Variants in DOCK3 observed in about 807,000 individuals in gnomAD.
The protein encoded by DOCK3 is dedicator of cytokinesis 3.
A neutral mutation model predicts 265.6 loss-of-function variants in DOCK3; 60 were observed. The ratio of observed to expected loss-of-function variants is 0.23; its 90% CI spans 0.18 to 0.28. The LOEUF (loss-of-function observed/expected upper bound fraction) is 0.28, where lower values mean the gene tolerates loss of function less well. Among genes scored for constraint, DOCK3 ranks in the 10% least tolerant of loss-of-function variants. DOCK3 has a pLI of 1.00. For missense variants in DOCK3, 1,981 were observed against 2,594.3 expected (o/e 0.76, Z 5.14); for synonymous variants, 881 against 938.0 (o/e 0.94, Z 1.11).
intron 3 of DOCK3, among the ~76,000 whole-genome samples, chr3:50,842,848 G>C (rs1025807481): frequency 6.6e-6 from 1 of 152,180 alleles, no homozygotes; most frequent in Admixed American, 6.5e-5. Context: ...TTGTTGAAAA[G>C]TTAGAACTGG....
At chr3:50,738,176 C>T (rs551804601) in intron 1 of DOCK3, among the ~76,000 whole-genome samples, 1 of 152,208 alleles carries the variant, frequency 6.6e-6, no homozygotes, top group East Asian at 1.9e-4. Flanking sequence ...GTGTGCCTGG[C>T]CCCTGGGTTC....
chr3:50,930,871 C>A (rs1185924554), intron 4 of DOCK3, among the ~76,000 whole-genome samples: 1 of 152,158 alleles, frequency 6.6e-6, no homozygotes, highest in Non-Finnish European at 1.5e-5. Context: ...CCGAAGTGGG[C>A]ACCACTCTCA....
intron 32 of DOCK3, among the ~76,000 whole-genome samples, chr3:51,318,679 G>A (rs544439705): frequency 6.6e-6 from 1 of 151,966 alleles, no homozygotes; most frequent in African/African-American, 2.4e-5. Flanking sequence ...TATTCTGTGG[G>A]TGAGGGAGTA....
chr3:51,011,664 C>T (rs1559933751), intron 5 of DOCK3, among the ~76,000 whole-genome samples: 1 of 152,166 alleles, frequency 6.6e-6, no homozygotes, highest in African/African-American at 2.4e-5. Flanking sequence ...GCATTGCGGG[C>T]GAGGAGCTGC....
At chr3:50,814,901 T>A (rs1383705357) in intron 2 of DOCK3, among the ~76,000 whole-genome samples, 1 of 152,154 alleles carries the variant, frequency 6.6e-6, no homozygotes, top group Non-Finnish European at 1.5e-5. Context: ...CTTGGCTCAC[T>A]GCAACCTCCG....
At chr3:50,996,352 G>T (rs926348760) in intron 5 of DOCK3, among the ~76,000 whole-genome samples, 10 of 151,666 alleles carry the variant, frequency 6.6e-5, no homozygotes, top group African/African-American at 2.4e-4. Flanking sequence ...CAAGTAGCTG[G>T]AACTACAGAC....
rs149619347 is a variant in DOCK3, at chr3:51,112,603, A to G, written c.746+22219A>G. Among the ~76,000 whole-genome samples, 145 of 152,300 alleles carry G rather than the reference A, an allele frequency of 9.5e-4. No homozygotes were observed. The East Asian group carries it at 0.021, about 22-fold the overall frequency. On this transcript the variant is annotated intron_variant, in intron 9 of 52. Transcript: ENST00000266037. ...AAAGATGGCATAGTTTGCAACCTGG[A>G]TAGTGGAAGTGACAATAAAGATAAA...
chr3:51,317,769 A>G (rs1357989055), intron 32 of DOCK3, among the ~76,000 whole-genome samples: 3 of 151,858 alleles, frequency 2.0e-5, no homozygotes, highest in Admixed American at 6.6e-5. Flanking sequence ...TACTCTATAA[A>G]TAGATATAAT....
In DOCK3 at chr3:51,225,881, T is replaced by C. The variant is rs1312916476; in HGVS notation, c.1377+108T>C. The C allele has an allele frequency of 4.4e-6, 6 of 1,364,788 alleles. No individual in the cohort carries two copies. In the African/African-American group the frequency reaches 4.4e-5, roughly 10 times the overall value. 84.5% of individuals were successfully genotyped at this position (1,364,788 alleles called of 1,614,324 possible). On this transcript the variant is annotated intron_variant, in intron 15 of 52. Coordinates refer to ENST00000266037, the MANE Select transcript of DOCK3 (RefSeq NM_004947.5). ...TTCAAGCAGGATTAAAATCACCCCA[T>C]CAGCCTTTTTCTCTGCCTTTTTCTT...
intron 9 of DOCK3, among the ~76,000 whole-genome samples, chr3:51,114,737 G>A (rs2083660343): frequency 1.3e-5 from 2 of 152,184 alleles, no homozygotes; most frequent in Admixed American, 6.5e-5. Context: ...ATGTGCCATG[G>A]TGGTTTGCTG....
chr3:50,824,885 T>C (rs2044667576), intron 2 of DOCK3, among the ~76,000 whole-genome samples: 1 of 152,186 alleles, frequency 6.6e-6, no homozygotes, highest in Non-Finnish European at 1.5e-5. Context: ...CTGTTAGGAC[T>C]CAAAAAAGAA....
At chr3:50,963,001 A>G (rs1354629840) in intron 5 of DOCK3, among the ~76,000 whole-genome samples, 2 of 152,190 alleles carry the variant, frequency 1.3e-5, no homozygotes, top group East Asian at 3.9e-4. Flanking sequence ...AGCCTGGCCA[A>G]GATGGCGAAA....
intron 9 of DOCK3, among the ~76,000 whole-genome samples, chr3:51,099,972 G>A (rs2083019243): frequency 1.3e-5 from 2 of 152,072 alleles, no homozygotes; most frequent in African/African-American, 4.8e-5. Flanking sequence ...CTAAATTAAT[G>A]AGGTGGAGCC....
intron 12 of DOCK3, among the ~76,000 whole-genome samples, chr3:51,174,495 T>TAAAG (rs2086843522): frequency 7.4e-6 from 1 of 134,742 alleles, no homozygotes; most frequent in Non-Finnish European, 1.6e-5. Context: ...AATAAATAAA[T>TAAAG]AAATAACTTC....
At chr3:51,282,556 GGCAGGAGAACCGC>G (rs574002445) in intron 27 of DOCK3, among the ~76,000 whole-genome samples, 134 of 151,934 alleles carry the variant, frequency 8.8e-4, no homozygotes, top group African/African-American at 3.1e-3. Flanking sequence ...GGGAGGCTGA[GGCAGGAGAACCGC>G]CTGAACCTGG....
intron 27 of DOCK3, among the ~76,000 whole-genome samples, chr3:51,294,677 CAAAAAAAAAAAAAAAA>C (rs59339067): frequency 2.5e-5 from 3 of 119,860 alleles, no homozygotes; most frequent in African/African-American, 9.6e-5. Context: ...GACTCTATCT[CAAAAAAAAAAAAAAAA>C]AAAAAAAAAA....
At chr3:51,278,172 A>T in intron 26 of DOCK3, 1 of 985,448 alleles carries the variant, frequency 1.0e-6, no homozygotes, top group South Asian at 4.7e-5. Context: ...GCTTCTATCT[A>T]CAAATTAGTT....
At chr3:51,297,613 T>C (rs1480809393) in intron 27 of DOCK3, among the ~76,000 whole-genome samples, 2 of 151,976 alleles carry the variant, frequency 1.3e-5, no homozygotes, top group Non-Finnish European at 2.9e-5. Context: ...GAAATGTAAA[T>C]TAAATCTACA....
intron 27 of DOCK3, among the ~76,000 whole-genome samples, chr3:51,303,313 T>C (rs1041857857): frequency 3.3e-5 from 5 of 152,178 alleles, no homozygotes; most frequent in Admixed American, 6.5e-5. Context: ...GCTCCTGTAA[T>C]GTTTTATCAT....
Sources: allele counts gnomAD v4.1 joint callset (sites outside exome capture counted in the v4.1 genomes callset), GRCh38; gene constraint gnomAD v4.1.1; transcripts MANE v1.5; gene names NCBI Gene and HGNC (gene_info 2026-07-23, HGNC 2026-07-21).